Variants in FAM20B observed in about 807,000 individuals in gnomAD.
The protein encoded by FAM20B is glycosaminoglycan xylosylkinase.
In FAM20B, 23 loss-of-function variants were observed where a neutral mutation model predicts 43.8. That is an observed-to-expected ratio of 0.53 (90% CI 0.38 to 0.74). The LOEUF (loss-of-function observed/expected upper bound fraction) is 0.74. FAM20B is among the 30% of genes least tolerant of loss of function. FAM20B has a pLI of 0.00. For missense variants in FAM20B, 440 were observed against 510.5 expected (o/e 0.86, Z 1.33); for synonymous variants, 178 against 192.4 (o/e 0.93, Z 0.62).
intron 1 of FAM20B, among the ~76,000 whole-genome samples, chr1:179,032,640 G>A (rs1650062423): frequency 1.3e-5 from 2 of 152,062 alleles, no homozygotes; most frequent in African/African-American, 4.8e-5. Flanking sequence ...AAATAAGAAG[G>A]TGAATTAAGA....
intron 4 of FAM20B, 117 bp downstream of exon 4, chr1:179,054,755 A>G: frequency 1.9e-6 from 1 of 528,884 alleles, no homozygotes; most frequent in Non-Finnish European, 3.4e-6. Flanking sequence ...GGAATACAAA[A>G]GCAAATCAGA....
chr1:179,026,860 C>T (rs530887147), intron 1 of FAM20B, among the ~76,000 whole-genome samples: 1 of 152,340 alleles, frequency 6.6e-6, no homozygotes, highest in South Asian at 2.1e-4. Flanking sequence ...TCATTCTAAT[C>T]TGACTTCTGT....
chr1:179,044,600 G>T (rs1402512163), intron 2 of FAM20B, among the ~76,000 whole-genome samples: 1 of 152,130 alleles, frequency 6.6e-6, no homozygotes, highest in East Asian at 1.9e-4. Context: ...TGCATTTAAG[G>T]TTTATACATA....
At position 179,073,479 on chromosome 1, in the gene FAM20B, C is replaced by G. The variant is rs1205732229; in HGVS notation, c.*1335C>G. On this transcript the variant is annotated 3_prime_UTR_variant, in exon 8 of 8. Coordinates refer to ENST00000263733, the MANE Select transcript of FAM20B (RefSeq NM_014864.4). ...TACAGGCGCCCGCCATCGTGCCCAG[C>G]TAATTTTTATATTTTTAGTGGAGAC... The G allele has an allele frequency of 2.6e-5, 4 of 152,118 alleles. No homozygotes were observed. Among genetic ancestry groups the G allele is most frequent in the Non-Finnish European group, 4.4e-5 (3 of 68,040 alleles). 9.4% of individuals were successfully genotyped at this position (152,118 alleles called of 1,614,324 possible).
intron 2 of FAM20B, among the ~76,000 whole-genome samples, chr1:179,049,842 A>T (rs1483532378): frequency 6.6e-6 from 1 of 152,154 alleles, no homozygotes; most frequent in Non-Finnish European, 1.5e-5. Flanking sequence ...GTGCCTGGCC[A>T]GCAAAAGTTT....
At chr1:179,032,964 C>G (rs1650072461) in intron 1 of FAM20B, among the ~76,000 whole-genome samples, 1 of 152,218 alleles carries the variant, frequency 6.6e-6, no homozygotes, top group Admixed American at 6.5e-5. Context: ...ATCACTGCCA[C>G]TAACCATCAG....
intron 1 of FAM20B, among the ~76,000 whole-genome samples, chr1:179,042,075 G>T (rs1035147899): frequency 6.6e-6 from 1 of 152,180 alleles, no homozygotes; most frequent in African/African-American, 2.4e-5. Context: ...TCCTTGGGGT[G>T]TCACTTTGCC....
At position 179,026,757 on chromosome 1, in the gene FAM20B, C is replaced by T. The variant is rs539974009; in HGVS notation, c.-134+659C>T. On this transcript the variant is annotated intron_variant, in intron 1 of 7. Transcript: ENST00000263733. ...AGATTTCATTTCCGGGTGTGACGGC[C>T]CCGCGATTAAGAGCGGACCGATACG... is the stretch of plus-strand genomic sequence containing the variant. Among the ~76,000 whole-genome samples the T allele has an allele frequency of 2.8e-4, 43 of 152,326 alleles. 1 individual carries two copies. Among genetic ancestry groups the T allele is most frequent in the South Asian group, 1.9e-3 (9 of 4,826 alleles).
upstream of FAM20B, among the ~76,000 whole-genome samples, chr1:179,022,629 A>G (rs575969987): frequency 7.6e-4 from 116 of 152,342 alleles, no homozygotes; most frequent in African/African-American, 2.3e-3. Context: ...AATGCTTACA[A>G]TGATGAAGGA....
chr1:179,059,726 C>T (rs1651377969), intron 4 of FAM20B, among the ~76,000 whole-genome samples: 1 of 152,134 alleles, frequency 6.6e-6, no homozygotes, highest in Admixed American at 6.6e-5. Context: ...AACCCCAGTA[C>T]TTTGGGAGGC....
chr1:179,044,346 C>A, intron 2 of FAM20B, 122 bp downstream of exon 2: 2 of 1,084,706 alleles, frequency 1.8e-6, no homozygotes, highest in Non-Finnish European at 2.6e-6. Context: ...GAGGGGTAGA[C>A]TAGATCTCTA....
rs1269423014 is a variant in FAM20B at position 179,044,075 on chromosome 1, G to T, written c.228G>T (p.Val76=). 1 of 1,614,034 alleles carries T rather than the reference G, an allele frequency of 6.2e-7. No individual in the cohort carries two copies. Among genetic ancestry groups the T allele is most frequent in the African/African-American group, 1.3e-5 (1 of 74,896 alleles). Residue 76 remains valine, a synonymous_variant, in exon 2 of 8, where the codon GTG becomes GTT. Transcript: ENST00000263733. ...CCCAGTGGGTGGTTCCCCGGGAAGT[G>T]TACCCTGAAGAGACACCAGAGCTGG... ...IAAQWVVPRE[V]YPEETPELGA...
intron 4 of FAM20B, among the ~76,000 whole-genome samples, chr1:179,062,633 G>C (rs1164100329): frequency 6.6e-6 from 1 of 151,892 alleles, no homozygotes; most frequent in Non-Finnish European, 1.5e-5. Context: ...CTGGGCAACA[G>C]AGCGAGACTC....
At chr1:179,040,049 G>A (rs1011990253) in intron 1 of FAM20B, among the ~76,000 whole-genome samples, 22 of 152,202 alleles carry the variant, frequency 1.4e-4, no homozygotes, top group Non-Finnish European at 1.0e-4. Flanking sequence ...AGGGATGGGG[G>A]CAAGGTCACA....
At position 179,057,142 on chromosome 1, in the gene FAM20B, C is replaced by G. The variant is rs189652042; in HGVS notation, c.574+2504C>G. ...GGCAGATCACTTGAGGGCGGGAGTT[C>G]GAGACCAGCCTGGCCAATATGGTGA... On this transcript the variant is annotated intron_variant, in intron 4 of 7. Coordinates refer to ENST00000263733, the MANE Select transcript of FAM20B (RefSeq NM_014864.4). Among the ~76,000 whole-genome samples the G allele has an allele frequency of 5.6e-3, 859 of 152,146 alleles. 9 individuals carry two copies. Among genetic ancestry groups the G allele is most frequent in the African/African-American group, 0.02 (817 of 41,494 alleles).
intron 2 of FAM20B, among the ~76,000 whole-genome samples, chr1:179,047,195 G>A (rs142518355): frequency 6.6e-6 from 1 of 152,122 alleles, no homozygotes; most frequent in African/African-American, 2.4e-5. Context: ...AGTAGGGGAG[G>A]TAGTAACAGA....
At chr1:179,039,664 A>G (rs945252105) in intron 1 of FAM20B, among the ~76,000 whole-genome samples, 1 of 152,226 alleles carries the variant, frequency 6.6e-6, no homozygotes, top group African/African-American at 2.4e-5. Context: ...TGACACGTCC[A>G]GGATCGCTGA....
At chr1:179,068,918 C>T in intron 7 of FAM20B, among the ~76,000 whole-genome samples, 1 of 152,174 alleles carries the variant, frequency 6.6e-6, no homozygotes, top group South Asian at 2.1e-4. Context: ...AGGTGCTGAG[C>T]AAGCCAGAAG....
chr1:179,068,824 T>A (rs1301185160), intron 7 of FAM20B, among the ~76,000 whole-genome samples: 1 of 152,064 alleles, frequency 6.6e-6, no homozygotes, highest in Non-Finnish European at 1.5e-5. Context: ...TGGAAGGGGA[T>A]CCCCTCCCAA....
Sources: allele counts gnomAD v4.1 joint callset (sites outside exome capture counted in the v4.1 genomes callset), GRCh38; gene constraint gnomAD v4.1.1; transcripts MANE v1.5; gene names NCBI Gene and HGNC (gene_info 2026-07-23, HGNC 2026-07-21).